BICC1: variants seen among roughly 807,000 people sequenced by gnomAD.
The protein encoded by BICC1 is protein bicaudal C homolog 1.
A neutral mutation model predicts 111.0 loss-of-function variants in BICC1; 43 were observed. That is an observed-to-expected ratio of 0.39 (90% confidence interval 0.30 to 0.50). The LOEUF (loss-of-function observed/expected upper bound fraction) is 0.50. Ranked by LOEUF, BICC1 falls within the 20% of genes least tolerant of loss-of-function variation. BICC1 has a pLI of 0.88. For synonymous variants in BICC1, 467 were observed against 434.4 expected (o/e 1.07, Z -0.93); for missense variants, 1,091 against 1,203.2 (o/e 0.91, Z 1.38).
intron 1 of BICC1, among the ~76,000 whole-genome samples, chr10:58,595,286 G>A (rs1025048944): frequency 3.3e-5 from 5 of 152,102 alleles, no homozygotes; most frequent in African/African-American, 7.2e-5. Context: ...ACACCCTACT[G>A]TCAATATTAG....
chr10:58,513,832 C>T (rs538767192), intron 1 of BICC1, among the ~76,000 whole-genome samples: 84 of 152,332 alleles, frequency 5.5e-4, no homozygotes, highest in African/African-American at 2.0e-3. Context: ...GATGTCAAGG[C>T]TTAAGACAGG....
chr10:58,646,715 A>T (rs1474468646), intron 2 of BICC1, among the ~76,000 whole-genome samples: 3 of 152,114 alleles, frequency 2.0e-5, no homozygotes, highest in Non-Finnish European at 4.4e-5. Flanking sequence ...GGCCATGGAG[A>T]TTCTTGTGAA....
intron 1 of BICC1, among the ~76,000 whole-genome samples, chr10:58,524,744 C>T (rs967960883): frequency 3.9e-5 from 6 of 151,944 alleles, no homozygotes; most frequent in African/African-American, 1.2e-4. Context: ...TTCTGCACAG[C>T]AAAAGAAACT....
intron 3 of BICC1, among the ~76,000 whole-genome samples, chr10:58,760,564 G>A (rs779445391): frequency 1.2e-4 from 18 of 152,124 alleles, no homozygotes; most frequent in Admixed American, 3.3e-4. Flanking sequence ...CTTGTTAATG[G>A]CTTTGAGAAT....
intron 3 of BICC1, among the ~76,000 whole-genome samples, chr10:58,759,393 G>A (rs1261693025): frequency 1.3e-5 from 2 of 152,128 alleles, no homozygotes; most frequent in Admixed American, 6.5e-5. Flanking sequence ...GAGAACACTA[G>A]TCTAAATATC....
At chr10:58,615,561 G>A (rs1001698729) in intron 1 of BICC1, among the ~76,000 whole-genome samples, 2 of 152,150 alleles carry the variant, frequency 1.3e-5, no homozygotes, top group Admixed American at 6.5e-5. Flanking sequence ...CGGCTTGTTC[G>A]TGCCAAGAGA....
At position 58,624,418 on chromosome 10, in the gene BICC1, T is replaced by A. The variant is rs545511347; in HGVS notation, c.237+3517T>A. 2.0e-5 allele frequency among the ~76,000 whole-genome samples: 3 copies of A among 152,314 alleles called. No homozygotes were observed. The South Asian group carries it at 6.2e-4, about 32-fold the overall frequency. On this transcript the variant is annotated intron_variant, in intron 2 of 20. Coordinates refer to ENST00000373886, the MANE Select transcript of BICC1 (RefSeq NM_001080512.3). ...TCTGTAGAAAAATTTACTAAGACTGTAGATGTTATTTGTCACATTTTGATA... is the reference window on the plus strand; with the variant it reads ...TCTGTAGAAAAATTTACTAAGACTGAAGATGTTATTTGTCACATTTTGATA...
At chr10:58,794,425 T>G (rs1417869702) in intron 9 of BICC1, among the ~76,000 whole-genome samples, 3 of 151,918 alleles carry the variant, frequency 2.0e-5, no homozygotes, top group Non-Finnish European at 4.4e-5. Context: ...TAAATGTTTT[T>G]TTTTTTTTTC....
chr10:58,783,551 A>T (rs1842935332), intron 3 of BICC1, among the ~76,000 whole-genome samples: 1 of 152,122 alleles, frequency 6.6e-6, no homozygotes, highest in South Asian at 2.1e-4. Flanking sequence ...CTCATGCCTT[A>T]TCCTAGAGAA....
At position 58,600,556 on chromosome 10, in the gene BICC1, AGATTT is replaced by A. The variant is rs759123783; in HGVS notation, c.191-20298_191-20294del. Among the ~76,000 whole-genome samples the A allele has an allele frequency of 3.3e-4, 50 of 152,280 alleles. 1 individual carries two copies. The East Asian group carries it at 3.7e-3, about 11-fold the overall frequency. ...TTTGGAAATGAAACTTTTCTTTACT[AGATTT>A]AGTTAGATATATGAGTGAATACAAA... On this transcript the variant is annotated intron_variant, in intron 1 of 20. Coordinates refer to ENST00000373886, the MANE Select transcript of BICC1 (RefSeq NM_001080512.3).
chr10:58,670,111 A>G (rs1451016367), intron 2 of BICC1, among the ~76,000 whole-genome samples: 2 of 152,158 alleles, frequency 1.3e-5, no homozygotes, highest in African/African-American at 2.4e-5. Flanking sequence ...CCAGATATCC[A>G]CTACCTAAAT....
intron 1 of BICC1, among the ~76,000 whole-genome samples, chr10:58,526,004 G>A (rs1842531563): frequency 1.3e-5 from 2 of 150,278 alleles, no homozygotes; most frequent in Non-Finnish European, 3.0e-5. Context: ...TTTTTTCTTC[G>A]TGACTGTATT....
intron 1 of BICC1, among the ~76,000 whole-genome samples, chr10:58,587,053 A>G (rs1045470834): frequency 2.0e-5 from 3 of 152,162 alleles, no homozygotes; most frequent in African/African-American, 7.2e-5. Flanking sequence ...TTAAAGCCTC[A>G]TGAATATTGA....
In BICC1 at chr10:58,817,774, T is replaced by C. The variant is rs568088904; in HGVS notation, c.2694+52T>C. 3.3e-6 allele frequency: 5 copies of C among 1,528,098 alleles called. No individual in the cohort carries two copies. The South Asian group carries it at 6.4e-5, about 19-fold the overall frequency. The allele number at this position is 1,528,098 out of a possible 1,614,324, so 94.7% of individuals were successfully genotyped here. A position where few individuals can be genotyped will look rare whatever the true frequency, so the allele number is the denominator to read the frequency against. ...ATCTTTGTTTTGATTGTGTGTATGA[T>C]GACTTCTAGAATGAAATCACTTATT... is the stretch of plus-strand genomic sequence containing the variant. On this transcript the variant is annotated intron_variant, in intron 19 of 20. Coordinates refer to ENST00000373886, the MANE Select transcript of BICC1 (RefSeq NM_001080512.3).
chr10:58,604,436 G>A (rs756703281), intron 1 of BICC1, among the ~76,000 whole-genome samples: 14 of 152,160 alleles, frequency 9.2e-5, no homozygotes, highest in African/African-American at 2.4e-4. Flanking sequence ...TTGGGAGGCC[G>A]AGGCGAGTGG....
rs540204933 is a variant in BICC1 at position 58,598,229 on chromosome 10, G to C, written c.191-22626G>C. On this transcript the variant is annotated intron_variant, in intron 1 of 20. Transcript: ENST00000373886. ...GTCCTGGGCAAGAAGAACAAATCTG[G>C]AGGCATCACGCTACCTGATTTCAAA... Among the ~76,000 whole-genome samples, 117 of 152,226 alleles carry C rather than the reference G, an allele frequency of 7.7e-4. 1 individual carries two copies. The highest frequency in any genetic ancestry group is 2.8e-3 in the African/African-American group (115 of 41,534).
chr10:58,695,154 G>T (rs888043081), intron 2 of BICC1, among the ~76,000 whole-genome samples: 12 of 152,272 alleles, frequency 7.9e-5, no homozygotes, highest in Admixed American at 3.9e-4. Context: ...CTGAATCATT[G>T]GTAGGCCTTT....
At chr10:58,763,389 C>T (rs991041239) in intron 3 of BICC1, among the ~76,000 whole-genome samples, 1 of 152,092 alleles carries the variant, frequency 6.6e-6, no homozygotes, top group Non-Finnish European at 1.5e-5. Context: ...TTTCCCAAGA[C>T]AGCATCCCAA....
chr10:58,558,281 G>A (rs909614610), intron 1 of BICC1, among the ~76,000 whole-genome samples: 1 of 152,050 alleles, frequency 6.6e-6, no homozygotes, highest in Non-Finnish European at 1.5e-5. Flanking sequence ...AACATCTCCA[G>A]AATTCTTTGT....
Sources: gnomAD v4.1 joint callset for allele counts (sites outside exome capture counted in the v4.1 genomes callset) on GRCh38, gnomAD v4.1.1 for gene constraint, MANE v1.5 for transcripts, NCBI Gene and HGNC (gene_info 2026-07-23, HGNC 2026-07-21) for gene names.